Variants in ANKS1B observed in about 807,000 individuals in gnomAD.
The protein encoded by ANKS1B is ankyrin repeat and sterile alpha motif domain containing 1B.
In ANKS1B, 36 loss-of-function variants were observed where a neutral mutation model predicts 148.3. The observed-to-expected ratio is 0.24, with a 90% CI of 0.19 to 0.32. ANKS1B has a LOEUF of 0.32. Ranked by LOEUF, ANKS1B falls within the 10% of genes least tolerant of loss-of-function variation. The probability of loss-of-function intolerance (pLI) is 1.00; values close to 1 mark genes in which losing one functional copy is unlikely to be tolerated. For synonymous variants in ANKS1B, 542 were observed against 560.8 expected (o/e 0.97, Z 0.47); for missense variants, 1,157 against 1,542.6 (o/e 0.75, Z 4.19).
At position 99,471,648 on chromosome 12, in the gene ANKS1B, GCACACA is replaced by G. The variant is rs3050679; in HGVS notation, c.1439-27845_1439-27840del. On this transcript the variant is annotated intron_variant, in intron 10 of 26. Coordinates refer to ENST00000683438, the MANE Select transcript of ANKS1B (RefSeq NM_001352186.2). Reference sequence around the variant, plus strand: ...ATAAAACAACATATCACATATGCGTGCACACACACACACACACACACATACACACGC... The same window carrying G: ...ATAAAACAACATATCACATATGCGTGCACACACACACACACATACACACGC... Among the ~76,000 whole-genome samples, 18 of 148,950 alleles carry G rather than the reference GCACACA, an allele frequency of 1.2e-4. 1 individual carries two copies. Among genetic ancestry groups the G allele is most frequent in the South Asian group, 4.2e-4 (2 of 4,716 alleles).
intron 10 of ANKS1B, among the ~76,000 whole-genome samples, chr12:99,487,197 C>G (rs909575330): frequency 1.3e-5 from 2 of 152,262 alleles, no homozygotes; most frequent in South Asian, 4.2e-4. Context: ...TTGGTACACT[C>G]CCCCTTCTCC....
intron 25 of ANKS1B, among the ~76,000 whole-genome samples, chr12:98,759,410 C>A (rs2098344893): frequency 1.3e-5 from 2 of 152,082 alleles, no homozygotes; most frequent in African/African-American, 4.8e-5. Flanking sequence ...CTCATTACAT[C>A]CAGAGGAGGC....
At chr12:99,691,548 C>T (rs1011294479) in intron 8 of ANKS1B, among the ~76,000 whole-genome samples, 1 of 152,174 alleles carries the variant, frequency 6.6e-6, no homozygotes, top group Non-Finnish European at 1.5e-5. Context: ...AGTCTCTTTG[C>T]TAAAGCATAG....
intron 14 of ANKS1B, among the ~76,000 whole-genome samples, chr12:99,231,245 C>A (rs1254127809): frequency 6.6e-6 from 1 of 152,094 alleles, no homozygotes; most frequent in African/African-American, 2.4e-5. Flanking sequence ...TGAAGCCTTC[C>A]ATGCTGGTAG....
At position 98,996,812 on chromosome 12, in the gene ANKS1B, CAAAAAAA is replaced by C. The variant is rs1160748107; in HGVS notation, c.2778+56338_2778+56344del. On this transcript the variant is annotated intron_variant, in intron 17 of 26. Transcript: ENST00000683438. ...TGGGTGACAGAGCGAGACTCTATCT[CAAAAAAA>C]AAAAAAAAAAAAAAAAAAAAAAGAA... is the stretch of plus-strand genomic sequence containing the variant. Among the ~76,000 whole-genome samples, 7 of 40,638 alleles carry C rather than the reference CAAAAAAA, an allele frequency of 1.7e-4. No homozygotes were observed. The East Asian group carries it at 4.7e-3, about 27-fold the overall frequency. The allele number at this position is 40,638 out of a possible 152,430, so 26.7% of individuals were successfully genotyped here.
chr12:98,984,827 T>C (rs551989229), intron 17 of ANKS1B, among the ~76,000 whole-genome samples: 3 of 152,098 alleles, frequency 2.0e-5, no homozygotes, highest in East Asian at 1.9e-4. Context: ...CTGGGCAACA[T>C]AGTGAGACCC....
At chr12:99,618,381 GT>G (rs561682695) in intron 9 of ANKS1B, among the ~76,000 whole-genome samples, 1 of 152,094 alleles carries the variant, frequency 6.6e-6, no homozygotes, top group Non-Finnish European at 1.5e-5. Context: ...CCCCAACAGG[GT>G]TGATTAGAGG....
intron 8 of ANKS1B, among the ~76,000 whole-genome samples, chr12:99,686,038 G>C (rs2098647835): frequency 6.6e-6 from 1 of 151,984 alleles, no homozygotes; most frequent in African/African-American, 2.4e-5. Flanking sequence ...TACACTGTTT[G>C]GATGATAGGT....
At position 99,327,338 on chromosome 12, in the gene ANKS1B, T is replaced by C. The variant is rs1269172951; in HGVS notation, c.1756+72293A>G. Among the ~76,000 whole-genome samples, 135 of 127,394 alleles carry C rather than the reference T, an allele frequency of 1.1e-3. No individual in the cohort carries two copies. The South Asian group carries it at 0.011, about 11-fold the overall frequency. The allele number at this position is 127,394 out of a possible 152,430, so 83.6% of individuals were successfully genotyped here. On this transcript the variant is annotated intron_variant, in intron 12 of 26. Transcript: ENST00000683438. ...TATAATTACATATTATATATAATTA[T>C]ATATTATAATTACATATTATATATA...
chr12:99,182,117 G>A (rs763374951), intron 14 of ANKS1B, among the ~76,000 whole-genome samples: 3 of 152,118 alleles, frequency 2.0e-5, no homozygotes, highest in Non-Finnish European at 2.9e-5. Flanking sequence ...TATAATCATG[G>A]CAGAAGGTCA....
chr12:99,963,826 T>C (rs1262033429), intron 1 of ANKS1B, among the ~76,000 whole-genome samples: 1 of 152,244 alleles, frequency 6.6e-6, no homozygotes, highest in Non-Finnish European at 1.5e-5. Context: ...TTTCCAGACA[T>C]ATTTTTATGA....
At chr12:99,049,345 A>C (rs77009353) in intron 17 of ANKS1B, among the ~76,000 whole-genome samples, 1 of 145,382 alleles carries the variant, frequency 6.9e-6, no homozygotes, top group Non-Finnish European at 1.5e-5. Context: ...CACAGAATGC[A>C]AAAAAAAAAT....
intron 12 of ANKS1B, among the ~76,000 whole-genome samples, chr12:99,324,362 G>A (rs1221107567): frequency 6.6e-6 from 1 of 152,090 alleles, no homozygotes; most frequent in African/African-American, 2.4e-5. Context: ...GCTTGTAAGT[G>A]GCAGAGTCAG....
chr12:99,647,715 T>A, intron 9 of ANKS1B: 1 of 173,022 alleles, frequency 5.8e-6, no homozygotes, highest in Non-Finnish European at 1.3e-5. Flanking sequence ...TCACAATGGG[T>A]AGGGGAGGAT....
At chr12:99,844,916 G>A (rs1014470220) in intron 1 of ANKS1B, among the ~76,000 whole-genome samples, 1 of 151,888 alleles carries the variant, frequency 6.6e-6, no homozygotes, top group Non-Finnish European at 1.5e-5. Flanking sequence ...CTTTGAGCAG[G>A]GGTTTGTAGT....
At chr12:99,966,454 G>T (rs2095485598) in intron 1 of ANKS1B, among the ~76,000 whole-genome samples, 1 of 152,088 alleles carries the variant, frequency 6.6e-6, no homozygotes. Context: ...AAACATTAAA[G>T]AATTACCTGA....
chr12:99,573,288 T>G (rs2097481068), intron 9 of ANKS1B, among the ~76,000 whole-genome samples: 2 of 152,116 alleles, frequency 1.3e-5, no homozygotes, highest in East Asian at 1.9e-4. Flanking sequence ...TAGATTCTAC[T>G]AGGTTATAGA....
intron 19 of ANKS1B, among the ~76,000 whole-genome samples, chr12:98,826,077 G>C (rs1289537417): frequency 6.6e-6 from 1 of 152,210 alleles, no homozygotes; most frequent in Non-Finnish European, 1.5e-5. Context: ...AATGAGTCCA[G>C]TTTAGAATTA....
chr12:99,192,637 G>T (rs2080886894), intron 14 of ANKS1B, among the ~76,000 whole-genome samples: 1 of 151,998 alleles, frequency 6.6e-6, no homozygotes. Context: ...GAAATGAGTG[G>T]TCATAATATC....
Sources: allele counts gnomAD v4.1 joint callset (sites outside exome capture counted in the v4.1 genomes callset), GRCh38; gene constraint gnomAD v4.1.1; transcripts MANE v1.5; gene names NCBI Gene and HGNC (gene_info 2026-07-23, HGNC 2026-07-21).